PDE1A: variants seen among roughly 807,000 people sequenced by gnomAD.
PDE1A encodes phosphodiesterase 1A.
In PDE1A, 35 loss-of-function variants were observed where a neutral mutation model predicts 61.7. The ratio of observed to expected loss-of-function variants is 0.57; its 90% CI spans 0.43 to 0.75. PDE1A has a LOEUF of 0.75. PDE1A is among the 30% of genes least tolerant of loss of function. The pLI, the probability that PDE1A is intolerant of heterozygous loss-of-function variation, is 0.00. For missense variants in PDE1A, 597 were observed against 630.6 expected (o/e 0.95, Z 0.57); for synonymous variants, 232 against 213.2 (o/e 1.09, Z -0.77).
intron 2 of PDE1A, among the ~76,000 whole-genome samples, chr2:182,449,376 C>A (rs1039852380): frequency 1.3e-5 from 2 of 151,214 alleles, no homozygotes; most frequent in Non-Finnish European, 3.0e-5. Context: ...GGAGGACGAG[C>A]GGGCAAAATA....
chr2:182,349,670 G>A (rs1698741580), intron 1 of PDE1A, among the ~76,000 whole-genome samples: 1 of 152,162 alleles, frequency 6.6e-6, no homozygotes, highest in Non-Finnish European at 1.5e-5. Flanking sequence ...TGAGGCAGGA[G>A]AATCGCTTGA....
chr2:182,310,608 T>C (rs1392047226), intron 1 of PDE1A, among the ~76,000 whole-genome samples: 2 of 152,138 alleles, frequency 1.3e-5, no homozygotes, highest in Non-Finnish European at 2.9e-5. Context: ...TTAACGCAAA[T>C]TTATTCCCCC....
chr2:182,141,599 T>TA (rs1362176791), exon 15 of PDE1A: 4 of 152,222 alleles, frequency 2.6e-5, no homozygotes, highest in Admixed American at 2.6e-4. Flanking sequence ...CAATGATGCA[T>TA]AATAAATATG....
At chr2:182,386,794 G>C (rs896660497) in intron 1 of PDE1A, among the ~76,000 whole-genome samples, 1 of 151,308 alleles carries the variant, frequency 6.6e-6, no homozygotes, top group African/African-American at 2.4e-5. Flanking sequence ...CTGTCTGGGA[G>C]GGAGGTGGGG....
At chr2:182,334,291 T>C (rs561876708) in intron 1 of PDE1A, among the ~76,000 whole-genome samples, 9 of 146,436 alleles carry the variant, frequency 6.1e-5, no homozygotes, top group East Asian at 2.0e-4. Flanking sequence ...CACACACACA[T>C]GCACACACAC....
chr2:182,470,543 C>A (rs1686960456), intron 2 of PDE1A, among the ~76,000 whole-genome samples: 1 of 151,858 alleles, frequency 6.6e-6, no homozygotes, highest in Admixed American at 6.6e-5. Flanking sequence ...TAGGAAATTT[C>A]AATAAAGATA....
chr2:182,497,035 G>C (rs1252497253), intron 2 of PDE1A, among the ~76,000 whole-genome samples: 1 of 152,040 alleles, frequency 6.6e-6, no homozygotes, highest in Non-Finnish European at 1.5e-5. Context: ...TTACTTCACA[G>C]AGTTTTCCAG....
the PDE1A span, among the ~76,000 whole-genome samples, chr2:182,586,388 C>T: frequency 6.6e-6 from 1 of 152,206 alleles, no homozygotes; most frequent in African/African-American, 2.4e-5. Flanking sequence ...ATTGGTGCCT[C>T]TTGCTCTCCA....
At chr2:182,210,103 A>G (rs1194654078) in intron 7 of PDE1A, among the ~76,000 whole-genome samples, 1 of 152,206 alleles carries the variant, frequency 6.6e-6, no homozygotes, top group Non-Finnish European at 1.5e-5. Context: ...TGCTATAAGT[A>G]TCTGTGCTAT....
In PDE1A at chr2:182,470,106, C is replaced by T. The variant is rs147347231; in HGVS notation, c.101+52170G>A. Among the ~76,000 whole-genome samples, 575 of 151,986 alleles carry T rather than the reference C, an allele frequency of 3.8e-3. 3 individuals are homozygous for T. The highest frequency in any genetic ancestry group is 5.7e-3 in the Admixed American group (87 of 15,216). ...TGAAAACACGCTGTTAGAAAAATGG[C>T]ACTGGTAGACTTGGTCAACAGAGGG... On this transcript the variant is annotated intron_variant, in intron 2 of 14. Transcript: ENST00000410103.
the PDE1A span, among the ~76,000 whole-genome samples, chr2:182,628,619 C>T: frequency 3.9e-5 from 6 of 152,026 alleles, no homozygotes; most frequent in South Asian, 8.3e-4. Context: ...TGTAGAAATA[C>T]GTATTACTAA....
chr2:182,224,043 C>A, intron 6 of PDE1A, 79 bp from the exon 7 acceptor site: 2 of 862,424 alleles, frequency 2.3e-6, no homozygotes, highest in East Asian at 2.7e-5. Context: ...ACTTTCAGTG[C>A]ACCCTGTTTA....
At chr2:182,577,010 T>C in the PDE1A span, among the ~76,000 whole-genome samples, 3 of 152,214 alleles carry the variant, frequency 2.0e-5, no homozygotes, top group Non-Finnish European at 4.4e-5. Context: ...GATTTGCAAA[T>C]ATTTTTTCCA....
the PDE1A span, among the ~76,000 whole-genome samples, chr2:182,594,965 A>G: frequency 6.6e-6 from 1 of 152,202 alleles, no homozygotes; most frequent in Admixed American, 6.5e-5. Context: ...ATGGCTATTT[A>G]TCAATTATTT....
intron 1 of PDE1A, among the ~76,000 whole-genome samples, chr2:182,339,745 A>G (rs1698063473): frequency 6.6e-6 from 1 of 152,194 alleles, no homozygotes; most frequent in Admixed American, 6.5e-5. Context: ...AAACCTGCCC[A>G]CTCATAATCT....
At chr2:182,324,222 G>A (rs1045725887) in intron 1 of PDE1A, among the ~76,000 whole-genome samples, 6 of 151,696 alleles carry the variant, frequency 4.0e-5, no homozygotes, top group African/African-American at 1.2e-4. Flanking sequence ...TAATACTAAC[G>A]GTTCTATATC....
At chr2:182,603,375 C>A in the PDE1A span, among the ~76,000 whole-genome samples, 1 of 152,082 alleles carries the variant, frequency 6.6e-6, no homozygotes, top group African/African-American at 2.4e-5. Context: ...GAGATGAAGT[C>A]TCATTCTTTT....
At chr2:182,342,056 C>T (rs2125043632) in intron 1 of PDE1A, among the ~76,000 whole-genome samples, 1 of 152,284 alleles carries the variant, frequency 6.6e-6, no homozygotes, top group African/African-American at 2.4e-5. Context: ...AGGCATGAGC[C>T]ACCACACCCG....
At chr2:182,549,642 G>A in the PDE1A span, among the ~76,000 whole-genome samples, 2 of 151,962 alleles carry the variant, frequency 1.3e-5, no homozygotes, top group African/African-American at 4.8e-5. Context: ...CAAAACTGGG[G>A]AACTCTCTTC....
Sources: allele counts gnomAD v4.1 joint callset (sites outside exome capture counted in the v4.1 genomes callset), GRCh38; gene constraint gnomAD v4.1.1; transcripts MANE v1.5; gene names NCBI Gene and HGNC (gene_info 2026-07-23, HGNC 2026-07-21).